SRGAP2: variants seen among roughly 807,000 people sequenced by gnomAD.
SRGAP2 encodes SLIT-ROBO Rho GTPase-activating protein 2.
A neutral mutation model predicts 57.2 loss-of-function variants in SRGAP2; 15 were observed. The ratio of observed to expected loss-of-function variants is 0.26; its 90% CI spans 0.18 to 0.40. The LOEUF is 0.40. SRGAP2 is among the 10% of genes least tolerant of loss of function. The pLI is 1.00. For missense variants in SRGAP2, 520 were observed against 669.6 expected (o/e 0.78, Z 2.47); for synonymous variants, 249 against 248.0 (o/e 1.00, Z -0.04).
intron 2 of SRGAP2, among the ~76,000 whole-genome samples, chr1:206,237,138 C>T (rs1175371942): frequency 5.3e-5 from 8 of 151,574 alleles, no homozygotes; most frequent in African/African-American, 1.2e-4. Context: ...GGCAGGTGCC[C>T]GTAATCCCAG....
chr1:206,397,036 T>G (rs1449415131), intron 7 of SRGAP2, among the ~76,000 whole-genome samples: 14 of 152,356 alleles, frequency 9.2e-5, no homozygotes, highest in Non-Finnish European at 1.6e-4. Flanking sequence ...AGATATAGAA[T>G]AAATATTTTG....
intron 11 of SRGAP2, among the ~76,000 whole-genome samples, chr1:206,416,688 C>G (rs1010302329): frequency 6.6e-6 from 1 of 152,178 alleles, no homozygotes. Flanking sequence ...TTTTGGCACC[C>G]TGCCCAGATT....
At chr1:206,276,683 G>A (rs1178511181) in intron 2 of SRGAP2, among the ~76,000 whole-genome samples, 14 of 152,014 alleles carry the variant, frequency 9.2e-5, no homozygotes, top group African/African-American at 3.4e-4. Context: ...AATCCTTTCC[G>A]GGGTTTTCCT....
intron 11 of SRGAP2, among the ~76,000 whole-genome samples, chr1:206,417,901 A>T (rs1659880784): frequency 6.6e-6 from 1 of 151,902 alleles, no homozygotes; most frequent in South Asian, 2.1e-4. Context: ...GAATCAAGAC[A>T]GTCTAAGCAT....
chr1:206,440,040 C>A lies in SRGAP2; in HGVS notation c.1833C>A (p.Thr611=). ...AAGTCCTCCTAGTCCTGCCCAAAAC[C>A]ACTCTGATTATCATGAGATACCTCT... ...IRKVLLVLPK[T]TLIIMRYLFA... The change falls in exon 17 of 23, where the codon ACC becomes ACA. Residue 611 remains threonine (T), a synonymous_variant. Transcript: ENST00000573034. 1.3e-6 allele frequency: 1 copy of A among 780,910 alleles called. No homozygotes were observed. Among genetic ancestry groups the A allele is most frequent in the East Asian group, 2.4e-5 (1 of 41,250 alleles). The allele number at this position is 780,910 out of a possible 1,614,324, so 48.4% of individuals were successfully genotyped here.
chr1:206,377,238 A>G (rs1553345173), intron 4 of SRGAP2, among the ~76,000 whole-genome samples: 1 of 151,964 alleles, frequency 6.6e-6, no homozygotes, highest in Non-Finnish European at 1.5e-5. Flanking sequence ...TTTTCTTTTA[A>G]AATATAACTT....
At chr1:206,380,133 ACATCCTTTCT>A (rs1457471617) in intron 4 of SRGAP2, among the ~76,000 whole-genome samples, 1 of 71,672 alleles carries the variant, frequency 1.4e-5, no homozygotes, top group Non-Finnish European at 2.8e-5. Context: ...ATCTGCTGTT[ACATCCTTTCT>A]GTGAGCAAGG....
At chr1:206,440,689 G>A (rs1294164457) in intron 17 of SRGAP2, among the ~76,000 whole-genome samples, 1 of 151,972 alleles carries the variant, frequency 6.6e-6, no homozygotes, top group African/African-American at 2.4e-5. Flanking sequence ...CTGGGACCCA[G>A]GCGCATGCCA....
chr1:206,432,351 T>G (rs1359254555), intron 14 of SRGAP2, among the ~76,000 whole-genome samples: 1 of 152,192 alleles, frequency 6.6e-6, no homozygotes, highest in African/African-American at 2.4e-5. Flanking sequence ...TACAACTCTT[T>G]GGAAGGGAAT....
intron 11 of SRGAP2, among the ~76,000 whole-genome samples, chr1:206,417,799 G>A (rs1028029050): frequency 9.9e-5 from 15 of 151,890 alleles, no homozygotes; most frequent in Non-Finnish European, 2.1e-4. Flanking sequence ...CCTCACCACC[G>A]AAAGGACTCA....
At chr1:206,371,680 G>C (rs1654564536) in intron 4 of SRGAP2, among the ~76,000 whole-genome samples, 1 of 149,730 alleles carries the variant, frequency 6.7e-6, no homozygotes, top group Non-Finnish European at 1.5e-5. Flanking sequence ...GCAGTGAGAC[G>C]AGATCATGCC....
chr1:206,253,835 C>A (rs1180098055), intron 2 of SRGAP2, among the ~76,000 whole-genome samples: 4 of 150,536 alleles, frequency 2.7e-5, no homozygotes, highest in South Asian at 4.2e-4. Context: ...TTAAATTATG[C>A]AGTCTGTGGC....
chr1:206,204,118 AC>A (rs1177687481), intron 1 of SRGAP2: 345 of 485,526 alleles, frequency 7.1e-4, no homozygotes, highest in African/African-American at 3.8e-3. Context: ...CCCGAGTCCC[AC>A]CCCCCGGCCC....
At chr1:206,415,828 T>C (rs1320667659) in intron 10 of SRGAP2, 61 bp from the exon 11 acceptor site, 35 of 731,178 alleles carry the variant, frequency 4.8e-5, no homozygotes, top group Non-Finnish European at 8.4e-5. Context: ...GCTGAGCATC[T>C]GTGATTTTTT....
chr1:206,428,477 T>C (rs2103279891), intron 13 of SRGAP2, among the ~76,000 whole-genome samples: 1 of 149,894 alleles, frequency 6.7e-6, no homozygotes, highest in Middle Eastern at 3.4e-3. Flanking sequence ...ACCCTACTAG[T>C]TTTGAGTAAT....
At chr1:206,398,723 C>G (rs1553354525) in intron 7 of SRGAP2, among the ~76,000 whole-genome samples, 1 of 152,078 alleles carries the variant, frequency 6.6e-6, no homozygotes, top group African/African-American at 2.4e-5. Context: ...GGTGATATGA[C>G]ATGGCAAGTC....
intron 5 of SRGAP2, among the ~76,000 whole-genome samples, chr1:206,386,993 G>T (rs1325151378): frequency 2.7e-5 from 4 of 150,480 alleles, no homozygotes; most frequent in Non-Finnish European, 5.9e-5. Context: ...AGGCATGGTG[G>T]TGGGCGCCTA....
chr1:206,258,070 A>G (rs1179986183), intron 2 of SRGAP2, among the ~76,000 whole-genome samples: 5 of 152,084 alleles, frequency 3.3e-5, no homozygotes, highest in Non-Finnish European at 5.9e-5. Context: ...GGAGCAAGTA[A>G]TAGTCAGTTG....
chr1:206,208,728 T>C (rs531019864), intron 2 of SRGAP2, among the ~76,000 whole-genome samples: 1 of 152,126 alleles, frequency 6.6e-6, no homozygotes, highest in South Asian at 2.1e-4. Context: ...GCTTTTTGTG[T>C]GTTATATGGG....
Sources: gnomAD v4.1 joint callset for allele counts (sites outside exome capture counted in the v4.1 genomes callset) on GRCh38, gnomAD v4.1.1 for gene constraint, MANE v1.5 for transcripts, NCBI Gene and HGNC (gene_info 2026-07-23, HGNC 2026-07-21) for gene names.